Variants in PHACTR1 observed in about 807,000 individuals in gnomAD.
PHACTR1 encodes RPEL repeat containing 1.
In PHACTR1, 16 loss-of-function variants were observed where a neutral mutation model predicts 69.2. The observed-to-expected ratio is 0.23, with a 90% CI of 0.16 to 0.35. The LOEUF (loss-of-function observed/expected upper bound fraction) is 0.35. PHACTR1 is among the 10% of genes least tolerant of loss of function. The probability of loss-of-function intolerance (pLI) is 1.00; values close to 1 mark genes in which losing one functional copy is unlikely to be tolerated. For missense variants in PHACTR1, 510 were observed against 734.7 expected, an observed-to-expected ratio of 0.69 and a Z score of 3.54; for synonymous variants, 312 against 284.5, an observed-to-expected ratio of 1.10 and a Z score of -0.97.
At chr6:13,162,291 G>GTTTA (rs1375207048) in intron 6 of PHACTR1, among the ~76,000 whole-genome samples, 2 of 151,674 alleles carry the variant, frequency 1.3e-5, no homozygotes, top group South Asian at 4.2e-4. Flanking sequence ...TTGTTTGTTT[G>GTTTA]TTTGTTTGTT....
chr6:13,010,314 C>T (rs866744911), intron 4 of PHACTR1, among the ~76,000 whole-genome samples: 3 of 151,988 alleles, frequency 2.0e-5, no homozygotes, highest in African/African-American at 4.8e-5. Flanking sequence ...TTTTAGTAGA[C>T]ACAGGGTTTC....
intron 5 of PHACTR1, among the ~76,000 whole-genome samples, chr6:13,119,970 G>A (rs1277945217): frequency 1.3e-5 from 2 of 152,122 alleles, no homozygotes; most frequent in African/African-American, 4.8e-5. Context: ...GTCGCTTCCT[G>A]GAGATGCACC....
chr6:12,772,770 T>C (rs1769554751), intron 4 of PHACTR1, among the ~76,000 whole-genome samples: 1 of 152,240 alleles, frequency 6.6e-6, no homozygotes, highest in Admixed American at 6.5e-5. Context: ...ACCCTTACCA[T>C]TGCACTTAAA....
intron 6 of PHACTR1, among the ~76,000 whole-genome samples, chr6:13,166,058 C>T (rs1759758356): frequency 6.6e-6 from 1 of 152,204 alleles, no homozygotes; most frequent in Non-Finnish European, 1.5e-5. Flanking sequence ...CTCCCTTTCC[C>T]TGGTGCCACT....
At chr6:12,959,965 G>T (rs897896079) in intron 4 of PHACTR1, among the ~76,000 whole-genome samples, 4 of 152,190 alleles carry the variant, frequency 2.6e-5, no homozygotes, top group African/African-American at 7.2e-5. Flanking sequence ...TTCTGGGATA[G>T]TCCAACATTT....
intron 4 of PHACTR1, among the ~76,000 whole-genome samples, chr6:12,983,674 C>A (rs1184604827): frequency 1.3e-5 from 2 of 152,202 alleles, no homozygotes; most frequent in East Asian, 3.9e-4. Flanking sequence ...TTAGGTATAT[C>A]TCCCAATGCT....
intron 3 of PHACTR1, among the ~76,000 whole-genome samples, chr6:12,735,310 C>A (rs1371781168): frequency 6.6e-6 from 1 of 152,122 alleles, no homozygotes; most frequent in East Asian, 1.9e-4. Context: ...ATGACCTAAC[C>A]TCAGAAGTGA....
At chr6:12,745,188 C>T (rs902480537) in intron 3 of PHACTR1, among the ~76,000 whole-genome samples, 1 of 152,090 alleles carries the variant, frequency 6.6e-6, no homozygotes, top group African/African-American at 2.4e-5. Flanking sequence ...TTCTTTCTCC[C>T]TCCGCTTCTC....
chr6:12,895,177 C>CTTTTTTTTTTTTTT (rs139510433), intron 4 of PHACTR1, among the ~76,000 whole-genome samples: 2 of 88,278 alleles, frequency 2.3e-5, no homozygotes, highest in Middle Eastern at 9.4e-3. Flanking sequence ...TTTCTTTTTT[C>CTTTTTTTTTTTTTT]TTTTTTTTTT....
intron 4 of PHACTR1, among the ~76,000 whole-genome samples, chr6:12,789,765 AT>A (rs1486895933): frequency 2.7e-5 from 4 of 150,350 alleles, no homozygotes; most frequent in Admixed American, 6.6e-5. Context: ...TTTATTTTTT[AT>A]TTTTTTATTT....
At chr6:13,030,662 G>A (rs1802331599) in intron 4 of PHACTR1, among the ~76,000 whole-genome samples, 1 of 152,206 alleles carries the variant, frequency 6.6e-6, no homozygotes, top group Admixed American at 6.5e-5. Flanking sequence ...TATTATAGCT[G>A]AAACAAGATA....
chr6:12,882,751 T>C (rs1783225716), intron 4 of PHACTR1, among the ~76,000 whole-genome samples: 1 of 152,164 alleles, frequency 6.6e-6, no homozygotes, highest in Non-Finnish European at 1.5e-5. Flanking sequence ...GAAAATTGGA[T>C]GGTTTCCTGG....
intron 5 of PHACTR1, among the ~76,000 whole-genome samples, chr6:13,137,620 A>G (rs549262936): frequency 1.3e-5 from 2 of 152,360 alleles, no homozygotes; most frequent in Admixed American, 6.5e-5. Context: ...TTTGAATCCC[A>G]TGCAACTGTT....
Position 12,749,798 on chromosome 6 carries a change from C to T in PHACTR1, c.250+8C>T. 1.3e-6 allele frequency: 2 copies of T among 1,578,918 alleles called. No individual in the cohort carries two copies. Among genetic ancestry groups the T allele is most frequent in the Non-Finnish European group, 1.7e-6 (2 of 1,163,102 alleles). On this transcript the variant is annotated splice_region_variant and intron_variant, in intron 4 of 14. Transcript: ENST00000332995. The stretch of plus-strand genomic sequence containing the variant: ...CCTTTAACCTGGGGGCAGGTAAGAA[C>T]GCCCCTGGCGCCGCGCCCCCGCCCC...
intron 4 of PHACTR1, among the ~76,000 whole-genome samples, chr6:12,931,055 G>A (rs1788819307): frequency 6.7e-6 from 1 of 149,880 alleles, no homozygotes; most frequent in South Asian, 2.1e-4. Context: ...GGACAGCCAT[G>A]TAGGCAATTT....
chr6:12,855,188 T>A (rs187718163), intron 4 of PHACTR1, among the ~76,000 whole-genome samples: 67 of 152,320 alleles, frequency 4.4e-4, no homozygotes, highest in African/African-American at 1.3e-3. Flanking sequence ...ACATACACCA[T>A]GAAATACTAC....
chr6:13,249,797 C>CAA (rs5874406), intron 10 of PHACTR1, among the ~76,000 whole-genome samples: 3,720 of 79,684 alleles, frequency 0.047, 117 homozygotes, highest in East Asian at 0.12. Context: ...AACTCCGTCT[C>CAA]AAAAAAAAAA....
intron 10 of PHACTR1, among the ~76,000 whole-genome samples, chr6:13,249,120 G>A (rs769068228): frequency 6.6e-6 from 1 of 151,794 alleles, no homozygotes; most frequent in Non-Finnish European, 1.5e-5. Context: ...GTGTAGGGGT[G>A]CCCAAACCCC....
chr6:13,140,570 GAC>G (rs1282331864), intron 5 of PHACTR1, among the ~76,000 whole-genome samples: 2 of 152,162 alleles, frequency 1.3e-5, no homozygotes, highest in African/African-American at 4.8e-5. Flanking sequence ...CACTTAATGA[GAC>G]ACCTATCATA....
Sources: allele counts gnomAD v4.1 joint callset (sites outside exome capture counted in the v4.1 genomes callset), GRCh38; gene constraint gnomAD v4.1.1; transcripts MANE v1.5; gene names NCBI Gene and HGNC (gene_info 2026-07-23, HGNC 2026-07-21).